The following CENPN variants were observed in gnomAD, a reference collection of about 807,000 sequenced individuals.
CENPN encodes the protein interphase centromere complex protein 32.
A neutral mutation model predicts 48.6 loss-of-function variants in CENPN; 36 were observed. The ratio of observed to expected loss-of-function variants is 0.74; its 90% confidence interval spans 0.57 to 0.98. The LOEUF is 0.98. Ranked by LOEUF, CENPN falls within the 50% of genes least tolerant of loss-of-function variation. The pLI is 0.00. For missense variants in CENPN, 439 were observed against 399.2 expected (o/e 1.10, Z -0.85); for synonymous variants, 166 against 135.2 (o/e 1.23, Z -1.58).
intron 6 of CENPN, among the ~76,000 whole-genome samples, chr16:81,021,245 A>T (rs1255069611): frequency 6.6e-6 from 1 of 152,158 alleles, no homozygotes; most frequent in Admixed American, 6.5e-5. Context: ...GACTGCTTTC[A>T]CATAAGATGT....
intron 8 of CENPN, among the ~76,000 whole-genome samples, chr16:81,025,680 A>G (rs1970432622): frequency 7.3e-6 from 1 of 137,596 alleles, no homozygotes; most frequent in East Asian, 2.1e-4. Flanking sequence ...ACATAGTGAG[A>G]CCCTGTCTCT....
chr16:81,022,989 ACTTC>A, intron 7 of CENPN: 14 of 992,400 alleles, frequency 1.4e-5, no homozygotes, highest in African/African-American at 3.3e-5. Context: ...CTTTAGAGAA[ACTTC>A]ACATTATCTT....
intron 3 of CENPN, chr16:81,014,519 G>C (rs1296452206): frequency 9.3e-6 from 2 of 214,438 alleles, no homozygotes; most frequent in East Asian, 2.0e-4. Context: ...CGCTGTACTT[G>C]TCCCAGAAGC....
chr16:81,015,543 A>G (rs1462892468), intron 3 of CENPN, among the ~76,000 whole-genome samples: 1 of 152,278 alleles, frequency 6.6e-6, no homozygotes, highest in Non-Finnish European at 1.5e-5. Context: ...AACAAAAATT[A>G]TCTTTATTAA....
In CENPN at chr16:81,020,178, A is replaced by G; in HGVS notation, c.433A>G (p.Asn145Asp). The change falls in exon 6 of 11, where the codon AAC becomes GAC. Residue 145 changes from asparagine to aspartate, a missense_variant. Asn to Asp is a conservative substitution (Grantham distance 23). Coordinates refer to ENST00000305850, the MANE Select transcript of CENPN (RefSeq NM_001100624.3). ...IAWGTQYTKPNQYKPTYVVYY... is the reference protein window; with the variant it reads ...IAWGTQYTKPDQYKPTYVVYY... ...CTGGGGAACACAGTACACAAAGCCA[A>G]ACCAGTACAAACCTACCTACGTGGT... The G allele has an allele frequency of 6.2e-7, 1 of 1,614,054 alleles. No homozygotes were observed. The highest frequency in any genetic ancestry group is 1.1e-5 in the South Asian group (1 of 91,074).
intron 3 of CENPN, chr16:81,017,099 A>G (rs1457485320): frequency 2.6e-6 from 1 of 388,980 alleles, no homozygotes; most frequent in African/African-American, 2.1e-5. Context: ...ATAAATACCA[A>G]AACTCAACTG....
At chr16:81,014,099 T>C (rs774011531) in intron 2 of CENPN, 37 bp from the exon 3 acceptor site, 58 of 1,584,584 alleles carry the variant, frequency 3.7e-5, no homozygotes, top group Middle Eastern at 1.7e-4. Context: ...ACCAAACCTA[T>C]AACCACAGTT....
intron 7 of CENPN, 38 bp from the exon 8 acceptor site, chr16:81,024,677 T>A: frequency 7.5e-7 from 1 of 1,341,074 alleles, no homozygotes; most frequent in Non-Finnish European, 1.1e-6. Context: ...TACTTCAAGA[T>A]GTCAAGATTA....
intron 3 of CENPN, among the ~76,000 whole-genome samples, chr16:81,016,624 G>T (rs146950848): frequency 6.6e-6 from 1 of 152,114 alleles, no homozygotes; most frequent in Non-Finnish European, 1.5e-5. Context: ...TTAGCCAGGC[G>T]TTGTGGCAGG....
intron 5 of CENPN, among the ~76,000 whole-genome samples, chr16:81,019,489 A>G (rs932363251): frequency 2.0e-5 from 3 of 151,884 alleles, no homozygotes; most frequent in African/African-American, 7.3e-5. Context: ...AAGTGCTAGG[A>G]TTACAGGCAT....
In CENPN at chr16:81,030,358, T is replaced by C. The variant is rs113830911; in HGVS notation, c.*1707T>C. 1.0e-6 allele frequency: 1 copy of C among 983,778 alleles called. No individual in the cohort carries two copies. The highest frequency in any genetic ancestry group is 1.8e-5 in the African/African-American group (1 of 56,850). The allele number at this position is 983,778 out of a possible 1,614,324, so 60.9% of individuals were successfully genotyped here. On this transcript the variant is annotated 3_prime_UTR_variant, in exon 11 of 11. Coordinates refer to ENST00000305850, the MANE Select transcript of CENPN (RefSeq NM_001100624.3). Reference sequence around the variant, plus strand: ...CTTGTAATCCCAGCACTTCAGGAGGTTTCTCCTAGTGTACTCTCACACTTC... The same window carrying C: ...CTTGTAATCCCAGCACTTCAGGAGGCTTCTCCTAGTGTACTCTCACACTTC...
In CENPN at chr16:81,020,102, G is replaced by A. The variant is rs754220363; in HGVS notation, c.357G>A (p.Val119=). The A allele has an allele frequency of 1.3e-6, 2 of 1,596,672 alleles. No individual in the cohort carries two copies. The highest frequency in any genetic ancestry group is 1.7e-6 in the Non-Finnish European group (2 of 1,175,056). The part of the protein sequence containing the change: ...KKILQRALKN[V]TVSFRETEEN... The stretch of plus-strand genomic sequence containing the variant: ...CTTTTTTTTTTTTCTTTAATAAGGT[G>A]ACAGTCAGCTTCAGAGAAACTGAGG... Residue 119 remains valine (V), a splice_region_variant and synonymous_variant, in exon 6 of 11, where the codon GTG becomes GTA. Coordinates refer to ENST00000305850, the MANE Select transcript of CENPN (RefSeq NM_001100624.3).
In CENPN at chr16:81,011,527, A is replaced by T. The variant is rs903066080; in HGVS notation, c.-10-403A>T. On this transcript the variant is annotated intron_variant, in intron 1 of 10. Transcript: ENST00000305850. ...ATGAATGAATGATTTATATATCATC[A>T]CCATCAAAACATCAAAATACTCTAG... is the stretch of plus-strand genomic sequence containing the variant. Among the ~76,000 whole-genome samples, 6 of 152,242 alleles carry T rather than the reference A, an allele frequency of 3.9e-5. 1 individual carries two copies. Among genetic ancestry groups the T allele is most frequent in the Admixed American group, 6.5e-5 (1 of 15,282 alleles).
In CENPN at chr16:81,031,374, T is replaced by A. The variant is rs78866913; in HGVS notation, c.*2723T>A. 2 of 152,316 alleles carry A rather than the reference T, an allele frequency of 1.3e-5. No individual in the cohort carries two copies. The highest frequency in any genetic ancestry group is 2.9e-5 in the Non-Finnish European group (2 of 68,040). 9.4% of individuals were successfully genotyped at this position (152,316 alleles called of 1,614,324 possible). A position where few individuals can be genotyped will look rare whatever the true frequency, so the allele number is the denominator to read the frequency against. ...ACTTGTCTAATCACCCTCAGCTTTT[T>A]TTAAAAACCCCTCCTCTACCCTCTC... is the stretch of plus-strand genomic sequence containing the variant. On this transcript the variant is annotated 3_prime_UTR_variant, in exon 11 of 11. Transcript: ENST00000305850.
chr16:81,015,269 G>C (rs889626869), intron 3 of CENPN, among the ~76,000 whole-genome samples: 2 of 152,114 alleles, frequency 1.3e-5, no homozygotes, highest in African/African-American at 2.4e-5. Flanking sequence ...GCATAATATA[G>C]GGGCTGAGAA....
intron 5 of CENPN, among the ~76,000 whole-genome samples, chr16:81,019,876 C>CA (rs59491925): frequency 0.29 from 36,463 of 124,208 alleles, 4,925 homozygotes; most frequent in East Asian, 0.44. Context: ...GACCTAGTCT[C>CA]AAAAAAAAAA....
intron 9 of CENPN, among the ~76,000 whole-genome samples, chr16:81,027,147 C>T (rs1335517400): frequency 2.0e-5 from 3 of 152,016 alleles, no homozygotes; most frequent in Non-Finnish European, 2.9e-5. Context: ...GGGCTCATAC[C>T]GTGCTCCTTA....
chr16:81,008,657 T>C (rs1002268812), intron 1 of CENPN, among the ~76,000 whole-genome samples: 1 of 152,198 alleles, frequency 6.6e-6, no homozygotes, highest in Non-Finnish European at 1.5e-5. Flanking sequence ...GTGTTCTTAA[T>C]GGGAGAGGTG....
intron 5 of CENPN, 128 bp downstream of exon 5, chr16:81,017,962 C>T: frequency 1.7e-6 from 1 of 590,462 alleles, no homozygotes; most frequent in East Asian, 3.1e-5. Context: ...TACGGTTCTA[C>T]TCCATATCAG....
Sources: allele counts gnomAD v4.1 joint callset (sites outside exome capture counted in the v4.1 genomes callset), GRCh38; gene constraint gnomAD v4.1.1; transcripts MANE v1.5; gene names NCBI Gene and HGNC (gene_info 2026-07-23, HGNC 2026-07-21).